Variants in SPATC1L observed in about 807,000 individuals in gnomAD.
SPATC1L encodes the protein spermatogenesis and centriole associated 1 like.
SPATC1L carries 20 observed loss-of-function variants against 21.2 expected under a neutral mutation model. The observed-to-expected ratio is 0.94, with a 90% confidence interval of 0.66 to 1.37. SPATC1L has a LOEUF of 1.37. Ranked by LOEUF, SPATC1L falls within the 40% of genes most tolerant of loss-of-function variation. The probability of loss-of-function intolerance (pLI) is 0.00; values close to 1 mark genes in which losing one functional copy is unlikely to be tolerated. For synonymous variants in SPATC1L, 290 were observed against 234.5 expected (o/e 1.24, Z -2.16); for missense variants, 499 against 478.7 (o/e 1.04, Z -0.40).
rs2079558990 is a variant in SPATC1L, at chr21:46,168,607, T to G, written c.245A>C (p.Gln82Pro). 1.4e-6 allele frequency: 2 copies of G among 1,418,788 alleles called. No homozygotes were observed. The allele number at this position is 1,418,788 out of a possible 1,614,324, so 87.9% of individuals were successfully genotyped here. Residue 82 changes from glutamine (Q) to proline (P), a missense_variant, in exon 3 of 5, where the codon CAG becomes CCG. Gln to Pro is a moderately conservative substitution (Grantham distance 76). Coordinates refer to ENST00000291672, the MANE Select transcript of SPATC1L (RefSeq NM_001142854.2). ...CAGCAGGTCCTCCAGGGAGGATGTC[T>G]GCAGTTGGGAGGGCGTGTCGGCAAC... The part of the protein sequence containing the change: ...TSVADTPSQL[Q>P]TSSLEDLLCS...
chr21:46,168,134 C>T (rs1601380777), intron 3 of SPATC1L, among the ~76,000 whole-genome samples, 174 bp downstream of exon 3: 1 of 152,280 alleles, frequency 6.6e-6, no homozygotes, highest in East Asian at 1.9e-4. Context: ...TAAAGATGGA[C>T]AAAAGACTAG....
At chr21:46,180,279 G>T (rs2079662659) in intron 2 of SPATC1L, among the ~76,000 whole-genome samples, 1 of 152,184 alleles carries the variant, frequency 6.6e-6, no homozygotes, top group African/African-American at 2.4e-5. Flanking sequence ...TCAAGTTGCG[G>T]AACAGCACAA....
chr21:46,179,772 C>T (rs924360674), intron 2 of SPATC1L, among the ~76,000 whole-genome samples: 4 of 152,194 alleles, frequency 2.6e-5, no homozygotes, highest in African/African-American at 4.8e-5. Context: ...GCATCGTGGC[C>T]GTGCTGGAGG....
At chr21:46,170,457 C>T (rs1359190834) in intron 2 of SPATC1L, among the ~76,000 whole-genome samples, 3 of 102,284 alleles carry the variant, frequency 2.9e-5, no homozygotes, top group African/African-American at 9.4e-5. Flanking sequence ...GCTCTGTGAG[C>T]ATCCTCTGTG....
At position 46,161,407 on chromosome 21, in the gene SPATC1L, T is replaced by A. The variant is rs745703384; in HGVS notation, c.995A>T (p.Glu332Val). The A allele has an allele frequency of 1.3e-6, 2 of 1,551,306 alleles. No individual in the cohort carries two copies. Among genetic ancestry groups the A allele is most frequent in the Non-Finnish European group, 1.7e-6 (2 of 1,150,898 alleles). Residue 332 changes from glutamate to valine, a missense_variant, in exon 5 of 5, where the codon GAG becomes GTG. Coordinates refer to ENST00000291672, the MANE Select transcript of SPATC1L (RefSeq NM_001142854.2). The part of the protein sequence containing the change: ...LLNCLCELSK[E>V]DGKPLFAW ...CCAGGCGAAGAGGGGCTTGCCGTCC[T>A]CCTTGGAGAGCTCGCACAGGCAGTT...
intron 3 of SPATC1L, among the ~76,000 whole-genome samples, chr21:46,167,245 C>T (rs1181476949): frequency 6.6e-6 from 1 of 152,088 alleles, no homozygotes; most frequent in Non-Finnish European, 1.5e-5. Flanking sequence ...AAACACAACA[C>T]ACCAAAACCT....
intron 3 of SPATC1L, among the ~76,000 whole-genome samples, chr21:46,165,802 C>T (rs925511453): frequency 2.0e-5 from 3 of 152,246 alleles, no homozygotes; most frequent in Non-Finnish European, 4.4e-5. Flanking sequence ...TTGATCCTCA[C>T]ATTTGGCTTC....
intron 2 of SPATC1L, among the ~76,000 whole-genome samples, chr21:46,178,245 A>C (rs954594028): frequency 2.0e-5 from 3 of 151,486 alleles, no homozygotes; most frequent in Admixed American, 6.6e-5. Flanking sequence ...AAAAAAAAAA[A>C]AAAAAAAAAA....
intron 2 of SPATC1L, among the ~76,000 whole-genome samples, chr21:46,174,715 G>A (rs115966257): frequency 0.019 from 2,850 of 152,290 alleles, 96 homozygotes; most frequent in African/African-American, 0.065. Flanking sequence ...ATAATAGTGA[G>A]AGACTTCAAC....
chr21:46,176,960 C>T (rs892020218), intron 2 of SPATC1L, among the ~76,000 whole-genome samples: 2 of 152,154 alleles, frequency 1.3e-5, no homozygotes, highest in South Asian at 4.1e-4. Context: ...AATAAGTTTG[C>T]ACACCTATAA....
intron 2 of SPATC1L, among the ~76,000 whole-genome samples, chr21:46,172,638 C>T (rs1018164014): frequency 6.6e-6 from 1 of 152,166 alleles, no homozygotes; most frequent in Non-Finnish European, 1.5e-5. Context: ...AAGGCCAAGG[C>T]CCGAGTTCTG....
chr21:46,162,141 C>T (rs2079503695), intron 3 of SPATC1L, 74 bp from the exon 4 acceptor site: 7 of 1,448,664 alleles, frequency 4.8e-6, no homozygotes, highest in Non-Finnish European at 6.4e-6. Flanking sequence ...CCCTCGGCCA[C>T]GTGGGGGGCG....
intron 3 of SPATC1L, among the ~76,000 whole-genome samples, chr21:46,162,378 A>T (rs1307469381): frequency 6.6e-6 from 1 of 151,908 alleles, no homozygotes; most frequent in Non-Finnish European, 1.5e-5. Flanking sequence ...CCCTGCGAGG[A>T]CAGAGGAACC....
chr21:46,161,658 G>C lies in SPATC1L; in HGVS notation c.744C>G (p.Arg248=), dbSNP rs759294991. 34 of 1,608,560 alleles carry C rather than the reference G, an allele frequency of 2.1e-5. No individual in the cohort carries two copies. Among genetic ancestry groups the C allele is most frequent in the Non-Finnish European group, 2.9e-5 (34 of 1,178,220 alleles). ...LDGSVDERKL[R]ELTQRYLALS... ...GGGCCAGGTAGCGCTGCGTCAGCTC[G>C]CGCAGCTTCCTCTCGTCCACGGAGC... The change falls in exon 5 of 5, where the codon CGC becomes CGG. Residue 248 remains arginine (R), a synonymous_variant. Transcript: ENST00000291672.
chr21:46,179,767 G>A (rs555722675), intron 2 of SPATC1L, among the ~76,000 whole-genome samples: 80 of 152,334 alleles, frequency 5.3e-4, no homozygotes, highest in Admixed American at 2.7e-3. Flanking sequence ...GAGTGGCATC[G>A]TGGCCGTGCT....
In SPATC1L at chr21:46,182,991, C is replaced by T; in HGVS notation, c.-175G>A. 1 of 679,610 alleles carries T rather than the reference C, an allele frequency of 1.5e-6. No individual in the cohort carries two copies. Among genetic ancestry groups the T allele is most frequent in the East Asian group, 3.1e-5 (1 of 31,754 alleles). 42.1% of individuals were successfully genotyped at this position (679,610 alleles called of 1,614,324 possible). ...TGAGGTGCCCAGCACCCTGCCTGCC[C>T]CCGCGATGGCTCATGGCCCCGTTGA... is the stretch of plus-strand genomic sequence containing the variant. On this transcript the variant is annotated 5_prime_UTR_variant, in exon 2 of 5. Transcript: ENST00000291672.
intron 2 of SPATC1L, among the ~76,000 whole-genome samples, chr21:46,171,413 A>G: frequency 9.3e-6 from 1 of 107,372 alleles, no homozygotes; most frequent in African/African-American, 4.4e-5. Flanking sequence ...TGGGCGACAG[A>G]GCAAGAATCC....
intron 2 of SPATC1L, among the ~76,000 whole-genome samples, chr21:46,174,332 CAAAAAACAAAACAAA>C (rs2079614423): frequency 2.9e-5 from 1 of 34,256 alleles, no homozygotes. Flanking sequence ...GACTCTGTCT[CAAAAAACAAAACAAA>C]AAAAAAAAAA....
rs1390226631 is a variant in SPATC1L, at chr21:46,162,081, G to T, written c.545-14C>A. ...AGCTCTGGATCTCTGGGGGAGGGAA[G>T]GCCGGGGACAAGGTCAGGGGAGCGC... On this transcript the variant is annotated splice_polypyrimidine_tract_variant and intron_variant, in intron 3 of 4. Transcript: ENST00000291672. 1.3e-6 allele frequency: 2 copies of T among 1,561,462 alleles called. No homozygotes were observed. The highest frequency in any genetic ancestry group is 1.2e-5 in the South Asian group (1 of 86,096).
Sources: allele counts gnomAD v4.1 joint callset (sites outside exome capture counted in the v4.1 genomes callset), GRCh38; gene constraint gnomAD v4.1.1; transcripts MANE v1.5; gene names NCBI Gene and HGNC (gene_info 2026-07-23, HGNC 2026-07-21).